The following F5 variants were observed in gnomAD, a reference collection of about 807,000 sequenced individuals.
F5 encodes coagulation factor V, also known as activated protein c cofactor.
Under a neutral mutation model 216.4 loss-of-function variants are expected in F5, and 138 were observed. The ratio of observed to expected loss-of-function variants is 0.64; its 90% CI spans 0.56 to 0.73. F5 has a LOEUF of 0.73. Ranked by LOEUF, F5 falls within the 30% of genes least tolerant of loss-of-function variation. The pLI, the probability that F5 is intolerant of heterozygous loss-of-function variation, is 0.00. For synonymous variants in F5, 916 were observed against 930.7 expected, an observed-to-expected ratio of 0.98 and a Z score of 0.29; for missense variants, 2,403 against 2,674.0, an observed-to-expected ratio of 0.90 and a Z score of 2.24.
chr1:169,572,151 T>G, intron 3 of F5, 70 bp downstream of exon 3: 4 of 1,506,480 alleles, frequency 2.7e-6, no homozygotes, highest in Non-Finnish European at 2.7e-6. Context: ...CAGTATAGTT[T>G]TAAATGTTGA....
At position 169,551,994 on chromosome 1, in the gene F5, TATA is replaced by T. The variant is rs9332585; in HGVS notation, c.1296+560_1296+562del. Among the ~76,000 whole-genome samples, 382 of 152,342 alleles carry T rather than the reference TATA, an allele frequency of 2.5e-3. 1 individual carries two copies. Among genetic ancestry groups the T allele is most frequent in the African/African-American group, 8.6e-3 (356 of 41,576 alleles). Reference sequence around the variant, plus strand: ...ATTGTGTTTACTGTTATATCTTAGCTATAATGAGAAATATTTTAATGCAACTTT... The same window carrying T: ...ATTGTGTTTACTGTTATATCTTAGCTATGAGAAATATTTTAATGCAACTTT... On this transcript the variant is annotated intron_variant, in intron 8 of 24. Transcript: ENST00000367797.
At chr1:169,536,758 A>G (rs1659714855) in intron 13 of F5, 78 bp from the exon 14 acceptor site, 5 of 1,148,472 alleles carry the variant, frequency 4.4e-6, no homozygotes, top group Non-Finnish European at 5.2e-6. Flanking sequence ...CTCTTTCTAA[A>G]TATAGCATCT....
rs753976756 is a variant in F5 at position 169,523,240 on chromosome 1, A to T, written c.6005T>A (p.Ile2002Asn). 5.6e-6 allele frequency: 9 copies of T among 1,614,080 alleles called. No homozygotes were observed. Among genetic ancestry groups the T allele is most frequent in the Non-Finnish European group, 7.6e-6 (9 of 1,179,972 alleles). ...EFYVAYSSNQINWQIFKGNST... is the reference protein window; with the variant it reads ...EFYVAYSSNQNNWQIFKGNST... ...GTTCCCTTTGAAGATCTGCCAGTTGATCTGGTTGGAACTGTAAGCTACATA... is the reference window on the plus strand; with the variant it reads ...GTTCCCTTTGAAGATCTGCCAGTTGTTCTGGTTGGAACTGTAAGCTACATA... The change falls in exon 21 of 25, where the codon ATC becomes AAC. Residue 2002 changes from isoleucine to asparagine, a missense_variant. Ile to Asn is a moderately radical substitution (Grantham distance 149). Coordinates refer to ENST00000367797, the MANE Select transcript of F5 (RefSeq NM_000130.5).
intron 24 of F5, among the ~76,000 whole-genome samples, chr1:169,514,668 C>G (rs887776295): frequency 6.6e-6 from 1 of 152,016 alleles, no homozygotes; most frequent in Non-Finnish European, 1.5e-5. Context: ...AGCCATCATG[C>G]CCAACCCAGA....
chr1:169,542,757 G>T lies in F5; in HGVS notation c.2333C>A (p.Ser778Tyr). 1 of 1,614,106 alleles carries T rather than the reference G, an allele frequency of 6.2e-7. No individual in the cohort carries two copies. The highest frequency in any genetic ancestry group is 8.5e-7 in the Non-Finnish European group (1 of 1,179,984). Residue 778 changes from serine (S) to tyrosine (Y), a missense_variant, in exon 13 of 25, where the codon TCT becomes TAT. This residue lies in a region of F5 where 1,425 missense variants were observed against 1,554.8 expected (regional missense o/e 0.92). Coordinates refer to ENST00000367797, the MANE Select transcript of F5 (RefSeq NM_000130.5). ...NTDIIVGSNY[S>Y]SPSNISKFTV... Reference sequence around the variant, plus strand: ...GAACTTACTAATATTACTTGGGGAAGAATAATTTGAACCAACAATTATATC... The same window carrying T: ...GAACTTACTAATATTACTTGGGGAATAATAATTTGAACCAACAATTATATC...
intron 3 of F5, among the ~76,000 whole-genome samples, chr1:169,563,674 T>C (rs1225547440): frequency 6.6e-6 from 1 of 152,096 alleles, no homozygotes; most frequent in African/African-American, 2.4e-5. Context: ...TTTTTTACCT[T>C]TCTTTTCTAT....
At chr1:169,568,052 T>TA (rs1304790421) in intron 3 of F5, among the ~76,000 whole-genome samples, 2 of 152,134 alleles carry the variant, frequency 1.3e-5, no homozygotes, top group Admixed American at 6.6e-5. Context: ...ATACTGGGCT[T>TA]AAAAAATTAT....
chr1:169,552,411 A>G, intron 8 of F5, 146 bp downstream of exon 8: 2 of 707,834 alleles, frequency 2.8e-6, no homozygotes, highest in South Asian at 2.0e-5. Flanking sequence ...CTGTAAATAA[A>G]TACAAATACT....
At chr1:169,567,173 AG>A (rs1383911804) in intron 3 of F5, among the ~76,000 whole-genome samples, 5 of 151,732 alleles carry the variant, frequency 3.3e-5, no homozygotes, top group African/African-American at 1.2e-4. Flanking sequence ...GGTGAGTGAG[AG>A]GGTCCCTTTT....
In F5 at chr1:169,518,566, A is replaced by T; in HGVS notation, c.6194-3T>A. On this transcript the variant is annotated splice_polypyrimidine_tract_variant and splice_region_variant and intron_variant, in intron 22 of 24. Transcript: ENST00000367797. ...CATACCCAGGGGTGTGGAACATCCTATCAAAAGAAAAGTAACGTGATTAAT... is the reference window on the plus strand; with the variant it reads ...CATACCCAGGGGTGTGGAACATCCTTTCAAAAGAAAAGTAACGTGATTAAT... 1 of 1,613,672 alleles carries T rather than the reference A, an allele frequency of 6.2e-7. No individual in the cohort carries two copies. Among genetic ancestry groups the T allele is most frequent in the South Asian group, 1.1e-5 (1 of 91,072 alleles).
At chr1:169,518,283 C>T (rs1025642606) in intron 23 of F5, 129 bp downstream of exon 23, 11 of 1,111,410 alleles carry the variant, frequency 9.9e-6, no homozygotes, top group African/African-American at 7.6e-5. Context: ...GACTCTTGGA[C>T]CTAGGATTTT....
At chr1:169,515,336 T>G in intron 24 of F5, 108 bp downstream of exon 24, 1 of 1,304,098 alleles carries the variant, frequency 7.7e-7, no homozygotes, top group Non-Finnish European at 1.1e-6. Context: ...TTTAGAAGAC[T>G]TAAAGAGGTG....
At position 169,540,488 on chromosome 1, in the gene F5, A is replaced by G. The variant is rs1166218615; in HGVS notation, c.4602T>C (p.Ser1534=). The change falls in exon 13 of 25, where the codon AGT becomes AGC. Residue 1534 remains serine, a synonymous_variant. Transcript: ENST00000367797. ...EIIPKEEVQS[S]EDDYAEIDYV... is the part of the protein sequence containing the mutation. ...AATCAATTTCAGCATAGTCATCTTC[A>G]CTGCTCTGGACCTCTTCCTTTGGAA... 5 of 1,613,878 alleles carry G rather than the reference A, an allele frequency of 3.1e-6. No individual in the cohort carries two copies. The highest frequency in any genetic ancestry group is 4.2e-6 in the Non-Finnish European group (5 of 1,179,978).
Position 169,541,274 on chromosome 1 carries a change from A to C in F5, c.3816T>G (p.Gly1272=). 1 of 1,534,898 alleles carries C rather than the reference A, an allele frequency of 6.5e-7. No individual in the cohort carries two copies. The highest frequency in any genetic ancestry group is 8.8e-7 in the Non-Finnish European group (1 of 1,131,354). The change falls in exon 13 of 25, where the codon GGT becomes GGG. Residue 1272 remains glycine (G), a synonymous_variant. Coordinates refer to ENST00000367797, the MANE Select transcript of F5 (RefSeq NM_000130.5). ...LSQTNLSPAL[G]QMPLSPDLSH... is the part of the protein sequence containing the mutation. The stretch of plus-strand genomic sequence containing the variant: ...TGAGGTCTGGAGAAAGGGGCATCTG[A>C]CCGAGGGCTGGAGAAAGGTTTGTCT...
At chr1:169,564,162 C>T (rs566448198) in intron 3 of F5, among the ~76,000 whole-genome samples, 171 of 152,168 alleles carry the variant, frequency 1.1e-3, no homozygotes, top group African/African-American at 3.8e-3. Flanking sequence ...GGAACATAAA[C>T]GATTACCGGC....
chr1:169,541,361 G>A lies in F5; in HGVS notation c.3729C>T (p.Asp1243=). 4.3e-6 allele frequency: 7 copies of A among 1,610,286 alleles called. No individual in the cohort carries two copies. In the African/African-American group the frequency reaches 9.4e-5, roughly 22 times the overall value. ...CTAAAGAAAGGGTTGTATGGCTGAG[G>A]TCTGGAGAAAGGGTTGTATGGCTGA... ...PDLSHTTLSP[D]LSHTTLSLDL... Residue 1243 remains aspartate (D), a synonymous_variant, in exon 13 of 25, where the codon GAC becomes GAT. Coordinates refer to ENST00000367797, the MANE Select transcript of F5 (RefSeq NM_000130.5).
Position 169,550,631 on chromosome 1 carries a change from G to C in F5, c.1396+9C>G. On this transcript the variant is annotated intron_variant, in intron 9 of 24. Transcript: ENST00000367797. ...CTAGTTGGATTCAGTAGAAGTGAAAGATTCAAACCTGAGGTGAAAGAAGAG... is the reference window on the plus strand; with the variant it reads ...CTAGTTGGATTCAGTAGAAGTGAAACATTCAAACCTGAGGTGAAAGAAGAG... The C allele has an allele frequency of 5.6e-6, 9 of 1,606,360 alleles. No individual in the cohort carries two copies. The highest frequency in any genetic ancestry group is 7.7e-6 in the Non-Finnish European group (9 of 1,173,060).
At chr1:169,552,885 G>A (rs1385558164) in intron 7 of F5, 151 bp from the exon 8 acceptor site, 2 of 636,488 alleles carry the variant, frequency 3.1e-6, no homozygotes, top group Middle Eastern at 4.2e-4. Context: ...AAGTCCTTAT[G>A]TTTTCTGTCT....
In F5 at chr1:169,562,260, T is replaced by G. The variant is rs147021901; in HGVS notation, c.374-1494A>C. On this transcript the variant is annotated intron_variant, in intron 3 of 24. Transcript: ENST00000367797. ...TCACTATAATTTGGCTTTTCTGTAA[T>G]GTCATATCAATGGAATCATCATTAC... 2.3e-3 allele frequency among the ~76,000 whole-genome samples: 356 copies of G among 152,236 alleles called. 1 individual carries two copies. The highest frequency in any genetic ancestry group is 8.4e-3 in the African/African-American group (348 of 41,570).
Sources: allele counts gnomAD v4.1 joint callset (sites outside exome capture counted in the v4.1 genomes callset), GRCh38; gene constraint gnomAD v4.1.1; regional missense constraint gnomAD v4.1.1; transcripts MANE v1.5; gene names NCBI Gene and HGNC (gene_info 2026-07-23, HGNC 2026-07-21).